Variants in CNTNAP2 observed in about 807,000 individuals in gnomAD.
CNTNAP2 encodes the protein contactin associated protein 2, also known as contactin-associated protein-like 2.
A neutral mutation model predicts 155.2 loss-of-function variants in CNTNAP2; 98 were observed. The ratio of observed to expected loss-of-function variants is 0.63; its 90% CI spans 0.54 to 0.75. The LOEUF (loss-of-function observed/expected upper bound fraction) is 0.75. Ranked by LOEUF, CNTNAP2 falls within the 30% of genes least tolerant of loss-of-function variation. CNTNAP2 has a pLI of 0.00. For synonymous variants in CNTNAP2, 651 were observed against 631.2 expected, an observed-to-expected ratio of 1.03 and a Z score of -0.47; for missense variants, 1,727 against 1,688.1, an observed-to-expected ratio of 1.02 and a Z score of -0.40.
chr7:146,741,703 C>G (rs753872653), intron 1 of CNTNAP2, among the ~76,000 whole-genome samples: 5 of 152,182 alleles, frequency 3.3e-5, no homozygotes, highest in Middle Eastern at 3.4e-3. Context: ...CATATACATA[C>G]AACCAAAATA....
chr7:147,518,406 C>G (rs1799169146), intron 11 of CNTNAP2, among the ~76,000 whole-genome samples: 1 of 152,090 alleles, frequency 6.6e-6, no homozygotes, highest in Non-Finnish European at 1.5e-5. Context: ...ATGAAGGAGA[C>G]AGGCAAGATG....
At chr7:148,340,637 G>C (rs1387935201) in intron 21 of CNTNAP2, among the ~76,000 whole-genome samples, 1 of 152,208 alleles carries the variant, frequency 6.6e-6, no homozygotes, top group Non-Finnish European at 1.5e-5. Flanking sequence ...TAGCACTTCA[G>C]ACGTTCACAG....
intron 1 of CNTNAP2, among the ~76,000 whole-genome samples, chr7:146,596,312 G>A (rs1408844807): frequency 2.6e-5 from 4 of 151,894 alleles, no homozygotes; most frequent in Admixed American, 2.6e-4. Flanking sequence ...GACAAGCTGA[G>A]GTGGAGTGAA....
intron 11 of CNTNAP2, among the ~76,000 whole-genome samples, chr7:147,520,490 C>T (rs775196585): frequency 8.5e-5 from 13 of 152,168 alleles, no homozygotes; most frequent in African/African-American, 2.7e-4. Flanking sequence ...TCATGGTACT[C>T]GCTTCATGCT....
intron 1 of CNTNAP2, among the ~76,000 whole-genome samples, chr7:146,529,447 T>C (rs1375417067): frequency 6.6e-6 from 1 of 152,148 alleles, no homozygotes; most frequent in Non-Finnish European, 1.5e-5. Flanking sequence ...GATGATACTC[T>C]AGGGTGATAA....
At chr7:146,247,229 G>A (rs1268827870) in intron 1 of CNTNAP2, among the ~76,000 whole-genome samples, 1 of 152,048 alleles carries the variant, frequency 6.6e-6, no homozygotes, top group Non-Finnish European at 1.5e-5. Context: ...ATTTGGGAGA[G>A]GTCTGATAAG....
At chr7:146,399,894 G>A (rs929147807) in intron 1 of CNTNAP2, among the ~76,000 whole-genome samples, 1 of 151,916 alleles carries the variant, frequency 6.6e-6, no homozygotes, top group Non-Finnish European at 1.5e-5. Flanking sequence ...AAATAAATTT[G>A]CTTGTTGCTT....
intron 14 of CNTNAP2, among the ~76,000 whole-genome samples, chr7:147,973,274 G>A (rs932976162): frequency 3.3e-5 from 5 of 151,374 alleles, no homozygotes; most frequent in African/African-American, 9.7e-5. Context: ...TGTAGAGTCC[G>A]CTTCTTTGAG....
At chr7:146,324,051 T>G (rs1801053424) in intron 1 of CNTNAP2, among the ~76,000 whole-genome samples, 1 of 152,160 alleles carries the variant, frequency 6.6e-6, no homozygotes, top group Non-Finnish European at 1.5e-5. Context: ...AGACTTAAAG[T>G]GACATCATGC....
chr7:147,993,239 C>T (rs1036682166), intron 15 of CNTNAP2, among the ~76,000 whole-genome samples: 10 of 152,162 alleles, frequency 6.6e-5, no homozygotes, highest in South Asian at 6.2e-4. Context: ...TATTAAATAA[C>T]CTAAACCTTG....
chr7:147,176,845 A>T (rs1256392705), intron 8 of CNTNAP2, among the ~76,000 whole-genome samples: 1 of 126,468 alleles, frequency 7.9e-6, no homozygotes, highest in Non-Finnish European at 1.6e-5. Flanking sequence ...ATTATATATT[A>T]TAATATATAA....
At chr7:148,395,233 T>C (rs1799443105) in intron 22 of CNTNAP2, among the ~76,000 whole-genome samples, 1 of 151,986 alleles carries the variant, frequency 6.6e-6, no homozygotes, top group African/African-American at 2.4e-5. Context: ...GTGTCTTCTT[T>C]AAATTTATAT....
chr7:147,183,188 T>C (rs1179876499), intron 8 of CNTNAP2, among the ~76,000 whole-genome samples: 2 of 152,124 alleles, frequency 1.3e-5, no homozygotes, highest in East Asian at 3.8e-4. Context: ...ACTTCTAATC[T>C]AAATTAAAAT....
chr7:147,528,235 G>C (rs1410226983), intron 11 of CNTNAP2, among the ~76,000 whole-genome samples: 1 of 152,178 alleles, frequency 6.6e-6, no homozygotes, highest in African/African-American at 2.4e-5. Context: ...AATATTTAGG[G>C]GAGAAAAATA....
At chr7:147,003,426 A>G (rs1798466076) in intron 3 of CNTNAP2, among the ~76,000 whole-genome samples, 1 of 152,062 alleles carries the variant, frequency 6.6e-6, no homozygotes, top group Admixed American at 6.6e-5. Flanking sequence ...TAAATTTTGA[A>G]TAATACTTGC....
chr7:147,915,534 A>AT lies in CNTNAP2; in HGVS notation c.2255+11814dup, dbSNP rs1262519642. Among the ~76,000 whole-genome samples, 3 of 152,234 alleles carry AT rather than the reference A, an allele frequency of 2.0e-5. No homozygotes were observed. The East Asian group carries it at 5.8e-4, about 29-fold the overall frequency. The stretch of plus-strand genomic sequence containing the variant: ...AGAAAGATTGTTGATATTCAAATAA[A>AT]TGTGTGTGCATGTGCTTGTCTGTGT... On this transcript the variant is annotated intron_variant, in intron 14 of 23. Transcript: ENST00000361727.
intron 6 of CNTNAP2, among the ~76,000 whole-genome samples, chr7:147,125,822 A>G (rs1801220849): frequency 6.6e-6 from 1 of 152,178 alleles, no homozygotes; most frequent in South Asian, 2.1e-4. Context: ...ATAGAAAAAA[A>G]TGTGTGTGAG....
chr7:146,713,093 C>T (rs1585053563), intron 1 of CNTNAP2, among the ~76,000 whole-genome samples: 1 of 152,004 alleles, frequency 6.6e-6, no homozygotes, highest in East Asian at 1.9e-4. Flanking sequence ...AAATCTCAGA[C>T]TCGCAGGACC....
At chr7:146,450,501 G>T (rs914101480) in intron 1 of CNTNAP2, among the ~76,000 whole-genome samples, 4 of 152,152 alleles carry the variant, frequency 2.6e-5, no homozygotes, top group Admixed American at 2.6e-4. Flanking sequence ...ACTTCCTCGT[G>T]TGGCTTCTCT....
Sources: gnomAD v4.1 joint callset for allele counts (sites outside exome capture counted in the v4.1 genomes callset) on GRCh38, gnomAD v4.1.1 for gene constraint, MANE v1.5 for transcripts, NCBI Gene and HGNC (gene_info 2026-07-23, HGNC 2026-07-21) for gene names.